GNA13: variants seen among roughly 807,000 people sequenced by gnomAD.
GNA13 encodes the protein G protein subunit alpha 13.
GNA13 carries 4 observed loss-of-function variants against 33.5 expected under a neutral mutation model. That is an observed-to-expected ratio of 0.12 (90% CI 0.06 to 0.27). The LOEUF (loss-of-function observed/expected upper bound fraction) is 0.27. Ranked by LOEUF, GNA13 falls within the 10% of genes least tolerant of loss-of-function variation. The pLI, the probability that GNA13 is intolerant of heterozygous loss-of-function variation, is 1.00. For missense variants in GNA13, 319 were observed against 487.2 expected (o/e 0.65, Z 3.25); for synonymous variants, 176 against 183.8 (o/e 0.96, Z 0.34).
rs761902344 is a variant in GNA13 at position 65,056,363 on chromosome 17, G to A, written c.231C>T (p.Asp77=). 9 of 1,613,008 alleles carry A rather than the reference G, an allele frequency of 5.6e-6. No individual in the cohort carries two copies. The African/African-American group carries it at 9.4e-5, about 17-fold the overall frequency. ...GGCGGAACTCCTCGCGCGCGCGCTG[G>A]TCGAAGTCCTGCCCGTGGATGATCC... ...QMRIIHGQDF[D]QRAREEFRPT... Residue 77 remains aspartate (D), a synonymous_variant, in exon 1 of 4, where the codon GAC becomes GAT. Coordinates refer to ENST00000439174, the MANE Select transcript of GNA13 (RefSeq NM_006572.6).
chr17:65,050,267 C>T (rs1278172548), intron 2 of GNA13, among the ~76,000 whole-genome samples: 2 of 152,190 alleles, frequency 1.3e-5, no homozygotes, highest in African/African-American at 2.4e-5. Context: ...TGGGGAGCTG[C>T]TGCATGTAGA....
At position 65,012,701 on chromosome 17, in the gene GNA13, T is replaced by C. The variant is rs138727338; in HGVS notation, c.*1556A>G. ...ACAACAGCCACTGACTTGGAAAGGC[T>C]GGGTGATCCATAACGACCAATCTTT... is the stretch of plus-strand genomic sequence containing the variant. On this transcript the variant is annotated 3_prime_UTR_variant, in exon 4 of 4. Transcript: ENST00000439174. 335 of 229,060 alleles carry C rather than the reference T, an allele frequency of 1.5e-3. 4 individuals are homozygous for C. The East Asian group carries it at 0.02, about 13-fold the overall frequency. 14.2% of individuals were successfully genotyped at this position (229,060 alleles called of 1,614,324 possible). A position where few individuals can be genotyped will look rare whatever the true frequency, so the allele number is the denominator to read the frequency against.
intron 2 of GNA13, among the ~76,000 whole-genome samples, chr17:65,031,627 T>C (rs1220087600): frequency 6.6e-6 from 1 of 152,176 alleles, no homozygotes; most frequent in Non-Finnish European, 1.5e-5. Flanking sequence ...TTAATTTCCA[T>C]CAGTGTTATA....
At chr17:65,018,962 C>G (rs900436469) in intron 2 of GNA13, among the ~76,000 whole-genome samples, 4 of 152,206 alleles carry the variant, frequency 2.6e-5, no homozygotes, top group African/African-American at 9.6e-5. Context: ...TTGACCAGAG[C>G]ACACAGAGAA....
At chr17:65,040,417 T>C (rs1051624918) in intron 2 of GNA13, among the ~76,000 whole-genome samples, 2 of 152,238 alleles carry the variant, frequency 1.3e-5, no homozygotes, top group Non-Finnish European at 2.9e-5. Flanking sequence ...TTATAATATT[T>C]TTAACTGAAT....
chr17:65,045,871 GGGT>G (rs1331924590), intron 2 of GNA13, among the ~76,000 whole-genome samples: 1 of 152,194 alleles, frequency 6.6e-6, no homozygotes, highest in Non-Finnish European at 1.5e-5. Flanking sequence ...TTGTATGTAT[GGGT>G]GGTGGTCAGA....
chr17:65,043,843 C>T (rs1285489389), intron 2 of GNA13, among the ~76,000 whole-genome samples: 2 of 152,318 alleles, frequency 1.3e-5, no homozygotes, highest in East Asian at 1.9e-4. Flanking sequence ...CCTTTCGAGG[C>T]TGGGCACAGT....
chr17:65,053,980 A>G (rs1907949429), intron 1 of GNA13, among the ~76,000 whole-genome samples: 1 of 152,200 alleles, frequency 6.6e-6, no homozygotes, highest in African/African-American at 2.4e-5. Flanking sequence ...AGGATTTTTA[A>G]CATGTTCCAA....
At chr17:65,036,260 T>A (rs934801272) in intron 2 of GNA13, among the ~76,000 whole-genome samples, 2 of 152,212 alleles carry the variant, frequency 1.3e-5, no homozygotes, top group Non-Finnish European at 2.9e-5. Context: ...ATGTGAAAAT[T>A]AGCTCAAAAT....
intron 3 of GNA13, among the ~76,000 whole-genome samples, chr17:65,017,267 G>C (rs1178000453): frequency 1.3e-5 from 2 of 152,068 alleles, no homozygotes; most frequent in Non-Finnish European, 2.9e-5. Flanking sequence ...TATTGTCTTT[G>C]TCTCTATTAA....
intron 3 of GNA13, among the ~76,000 whole-genome samples, 142 bp downstream of exon 3, chr17:65,018,091 CTAAAAAAAAAAAAAAAAAAA>C: frequency 2.2e-5 from 1 of 45,572 alleles, no homozygotes; most frequent in African/African-American, 1.3e-4. Flanking sequence ...AACGCCACCA[CTAAAAAAAAAAAAAAAAAAA>C]AAAAAAAAAA....
intron 2 of GNA13, among the ~76,000 whole-genome samples, chr17:65,031,921 A>AGAGAGAGAGTGTGTGT (rs770161529): frequency 6.8e-4 from 62 of 91,554 alleles, no homozygotes; most frequent in East Asian, 2.4e-3. Flanking sequence ...AGAGAGAGAG[A>AGAGAGAGAGTGTGTGT]GTGTGTGTGT....
intron 2 of GNA13, among the ~76,000 whole-genome samples, chr17:65,033,950 T>C (rs1017034092): frequency 7.9e-6 from 1 of 126,460 alleles, no homozygotes; most frequent in Non-Finnish European, 1.6e-5. Context: ...GAGGCGGAGG[T>C]TGCAGTGAGC....
rs370156841 is a variant in GNA13, at chr17:65,028,131, CAGG to C, written c.511-9831_511-9829del. Reference sequence around the variant, plus strand: ...GTCCCAGCTACTCGGGAGGCTGAAGCAGGAGAATGGCGTGAACCCGGGAGGCGG... The same window carrying C: ...GTCCCAGCTACTCGGGAGGCTGAAGCAGAATGGCGTGAACCCGGGAGGCGG... On this transcript the variant is annotated intron_variant, in intron 2 of 3. Coordinates refer to ENST00000439174, the MANE Select transcript of GNA13 (RefSeq NM_006572.6). 3.9e-3 allele frequency among the ~76,000 whole-genome samples: 590 copies of C among 152,334 alleles called. 4 individuals carry two copies. The highest frequency in any genetic ancestry group is 0.013 in the African/African-American group (555 of 41,580).
At chr17:65,038,041 G>A (rs184197950) in intron 2 of GNA13, among the ~76,000 whole-genome samples, 339 of 152,166 alleles carry the variant, frequency 2.2e-3, no homozygotes, top group African/African-American at 7.9e-3. Flanking sequence ...TAGTACTTAA[G>A]CTCGTTGACT....
chr17:65,034,657 T>C (rs1907178648), intron 2 of GNA13, among the ~76,000 whole-genome samples: 1 of 152,198 alleles, frequency 6.6e-6, no homozygotes, highest in African/African-American at 2.4e-5. Flanking sequence ...TCCTATCAAA[T>C]GTTAACACAA....
At chr17:65,025,218 G>GT (rs1402733144) in intron 2 of GNA13, among the ~76,000 whole-genome samples, 81 of 152,236 alleles carry the variant, frequency 5.3e-4, no homozygotes, top group African/African-American at 1.9e-3. Context: ...ATTTCAAGCA[G>GT]TATTTGCATT....
chr17:65,055,268 G>GT (rs1272781542), intron 1 of GNA13, among the ~76,000 whole-genome samples: 2 of 152,146 alleles, frequency 1.3e-5, no homozygotes, highest in Non-Finnish European at 2.9e-5. Flanking sequence ...GCAGAAACGA[G>GT]TGTTAATTAT....
intron 2 of GNA13, among the ~76,000 whole-genome samples, chr17:65,038,707 G>A (rs755616244): frequency 6.6e-6 from 1 of 152,154 alleles, no homozygotes; most frequent in Non-Finnish European, 1.5e-5. Context: ...GATTACAGGC[G>A]TGAGCCACCG....
Sources: allele counts gnomAD v4.1 joint callset (sites outside exome capture counted in the v4.1 genomes callset), GRCh38; gene constraint gnomAD v4.1.1; transcripts MANE v1.5; gene names NCBI Gene and HGNC (gene_info 2026-07-23, HGNC 2026-07-21).